Variants in SLCO5A1 observed in about 807,000 individuals in gnomAD.
The protein encoded by SLCO5A1 is organic anion transporter polypeptide-related protein 4.
Under a neutral mutation model 65.1 loss-of-function variants are expected in SLCO5A1, and 39 were observed. That is an observed-to-expected ratio of 0.60 (90% confidence interval 0.46 to 0.78). SLCO5A1 has a LOEUF of 0.78. SLCO5A1 is among the 30% of genes least tolerant of loss of function. SLCO5A1 has a pLI of 0.00. For missense variants in SLCO5A1, 1,029 were observed against 1,069.4 expected (o/e 0.96, Z 0.53); for synonymous variants, 438 against 415.7 (o/e 1.05, Z -0.65).
rs567257958 is a variant in SLCO5A1, at chr8:69,770,213, G to A, written c.908-8338C>T. Among the ~76,000 whole-genome samples the A allele has an allele frequency of 5.9e-5, 9 of 152,254 alleles. No individual in the cohort carries two copies. The East Asian group carries it at 1.7e-3, about 29-fold the overall frequency. ...CATAGTCAATCCCCTATGGACGCCA[G>A]CTTTATGCTGTTACAAATATCTAGC... On this transcript the variant is annotated intron_variant, in intron 2 of 9. Coordinates refer to ENST00000260126, the MANE Select transcript of SLCO5A1 (RefSeq NM_030958.3).
intron 2 of SLCO5A1, chr8:69,794,342 A>T: frequency 2.3e-6 from 1 of 438,938 alleles, no homozygotes; most frequent in African/African-American, 2.0e-5. Context: ...GACTGAGTAG[A>T]CAGTTCATCA....
chr8:69,719,069 T>C (rs910732639), intron 5 of SLCO5A1, among the ~76,000 whole-genome samples: 1 of 152,128 alleles, frequency 6.6e-6, no homozygotes, highest in Non-Finnish European at 1.5e-5. Flanking sequence ...GTAAAGAAAG[T>C]TTACCAGGAG....
rs1563708156 is a variant in SLCO5A1, at chr8:69,762,178, CT to C, written c.908-304del. On this transcript the variant is annotated intron_variant, in intron 2 of 9. Transcript: ENST00000260126. ...TCTTTCTTTCTTTCTTTCTTTCTTTCTTTCTTTCTTTCTTTCTTTCTTTTTT... is the reference window on the plus strand; with the variant it reads ...TCTTTCTTTCTTTCTTTCTTTCTTTCTTCTTTCTTTCTTTCTTTCTTTTTT... Among the ~76,000 whole-genome samples the C allele has an allele frequency of 6.7e-4, 41 of 60,906 alleles. 2 individuals are homozygous for C. Among genetic ancestry groups the C allele is most frequent in the African/African-American group, 2.2e-3 (41 of 18,922 alleles). 40.0% of individuals were successfully genotyped at this position (60,906 alleles called of 152,430 possible). A position where few individuals can be genotyped will look rare whatever the true frequency, so the allele number is the denominator to read the frequency against.
chr8:69,828,276 T>TAAA (rs57458834), intron 2 of SLCO5A1, among the ~76,000 whole-genome samples: 9 of 131,702 alleles, frequency 6.8e-5, no homozygotes, highest in African/African-American at 2.4e-4. Context: ...TTTTTTTTTT[T>TAAA]AAAAAAAAAG....
intron 2 of SLCO5A1, among the ~76,000 whole-genome samples, chr8:69,776,901 G>A (rs1787598541): frequency 6.6e-6 from 1 of 152,152 alleles, no homozygotes; most frequent in South Asian, 2.1e-4. Flanking sequence ...TAAAAAGACA[G>A]ACCATACCAA....
intron 6 of SLCO5A1, among the ~76,000 whole-genome samples, chr8:69,682,986 C>T (rs2933075): frequency 2.0e-5 from 3 of 151,954 alleles, no homozygotes; most frequent in Non-Finnish European, 4.4e-5. Flanking sequence ...AGGATTGCCC[C>T]GGTGTGGATC....
rs1260317749 is a variant in SLCO5A1 at position 69,672,782 on chromosome 8, A to C, written c.*87T>G. Reference sequence around the variant, plus strand: ...GATTGTGTCTGTAGAGGTTAAAAAAAAGAAAGAAAGAAAAGAAGGCACAGT... The same window carrying C: ...GATTGTGTCTGTAGAGGTTAAAAAACAGAAAGAAAGAAAAGAAGGCACAGT... On this transcript the variant is annotated 3_prime_UTR_variant, in exon 10 of 10. Transcript: ENST00000260126. The C allele has an allele frequency of 4.3e-6, 6 of 1,409,188 alleles. No homozygotes were observed. The highest frequency in any genetic ancestry group is 5.7e-6 in the Non-Finnish European group (6 of 1,054,164). The allele number at this position is 1,409,188 out of a possible 1,614,324, so 87.3% of individuals were successfully genotyped here.
intron 2 of SLCO5A1, among the ~76,000 whole-genome samples, chr8:69,804,069 T>C (rs1819877824): frequency 6.6e-6 from 1 of 152,092 alleles, no homozygotes; most frequent in East Asian, 1.9e-4. Flanking sequence ...ATTCTAACTA[T>C]AGGAAAAGCA....
Position 69,728,966 on chromosome 8 carries a change from G to T in SLCO5A1, c.1423+9074C>A, listed in dbSNP as rs183753276. On this transcript the variant is annotated intron_variant, in intron 5 of 9. Transcript: ENST00000260126. ...GTCCAAGTACCATTTTCCTGTCAAA[G>T]AAACCAAGATTCCTTGCAGATATAC... 7.7e-3 allele frequency among the ~76,000 whole-genome samples: 1,166 copies of T among 152,174 alleles called. 15 individuals are homozygous for T. The highest frequency in any genetic ancestry group is 0.027 in the African/African-American group (1,102 of 41,516).
At chr8:69,814,736 G>C (rs1485929197) in intron 2 of SLCO5A1, among the ~76,000 whole-genome samples, 2 of 152,116 alleles carry the variant, frequency 1.3e-5, no homozygotes, top group African/African-American at 2.4e-5. Context: ...CATGTTCACT[G>C]CAGCACTATT....
At chr8:69,734,285 C>T (rs1816461108) in intron 5 of SLCO5A1, among the ~76,000 whole-genome samples, 1 of 152,120 alleles carries the variant, frequency 6.6e-6, no homozygotes, top group African/African-American at 2.4e-5. Flanking sequence ...AAGCTTTATC[C>T]ACCCCTGCTG....
Position 69,832,379 on chromosome 8 carries a change from C to A in SLCO5A1, c.295G>T (p.Val99Leu), listed in dbSNP as rs1033706234. 3.7e-6 allele frequency: 6 copies of A among 1,613,420 alleles called. No homozygotes were observed. The highest frequency in any genetic ancestry group is 5.1e-6 in the Non-Finnish European group (6 of 1,179,664). The change falls in exon 2 of 10, where the codon GTG (valine) becomes TTG (leucine). Residue 99 changes from valine to leucine, a missense_variant. By Grantham distance (32) the Val-to-Leu change is conservative (BLOSUM62 1). This residue lies in a region of SLCO5A1 where 647 missense variants were observed against 647.5 expected (regional missense o/e 1.00). Coordinates refer to ENST00000260126, the MANE Select transcript of SLCO5A1 (RefSeq NM_030958.3). This position sits in a 1 kb window ranked among gnomAD's most constrained non-coding sequence, Gnocchi z 4.5. ...SAGLGDCNHRVDLSKTFSVSS... is the reference protein window; with the variant it reads ...SAGLGDCNHRLDLSKTFSVSS... ...ACCGAGAAGGTTTTGCTGAGGTCCA[C>A]CCTGTGGTTACAGTCCCCGAGCCCC...
intron 5 of SLCO5A1, among the ~76,000 whole-genome samples, chr8:69,720,375 C>G (rs909675258): frequency 1.3e-5 from 2 of 152,230 alleles, no homozygotes; most frequent in African/African-American, 4.8e-5. Flanking sequence ...AGATATTATA[C>G]TAGGAAGTCT....
chr8:69,808,814 A>G (rs939579349), intron 2 of SLCO5A1, among the ~76,000 whole-genome samples: 1 of 152,134 alleles, frequency 6.6e-6, no homozygotes, highest in Non-Finnish European at 1.5e-5. Flanking sequence ...TGATAATCAT[A>G]ACTAAAGGAC....
chr8:69,717,501 T>A (rs1209084035), intron 5 of SLCO5A1, among the ~76,000 whole-genome samples: 1 of 152,250 alleles, frequency 6.6e-6, no homozygotes, highest in East Asian at 1.9e-4. Context: ...TTACTGTTAC[T>A]TTTCAGTAAG....
intron 5 of SLCO5A1, among the ~76,000 whole-genome samples, chr8:69,732,704 C>G (rs913162035): frequency 3.3e-5 from 5 of 151,968 alleles, no homozygotes; most frequent in Non-Finnish European, 7.4e-5. Context: ...GCCTGGCCAA[C>G]ATGGTGAAAT....
intron 2 of SLCO5A1, among the ~76,000 whole-genome samples, chr8:69,790,373 T>G (rs1586803304): frequency 6.6e-6 from 1 of 152,018 alleles, no homozygotes; most frequent in East Asian, 1.9e-4. Flanking sequence ...AATTAAAAAT[T>G]AAAAAATGTA....
chr8:69,718,089 G>T (rs1026570050), intron 5 of SLCO5A1, among the ~76,000 whole-genome samples: 15 of 152,108 alleles, frequency 9.9e-5, no homozygotes, highest in African/African-American at 3.6e-4. Flanking sequence ...GTGGTTTTCA[G>T]AATATAAGTT....
In SLCO5A1 at chr8:69,831,787, T is replaced by G. The variant is rs764372561; in HGVS notation, c.887A>C (p.Glu296Ala). The G allele has an allele frequency of 1.3e-5, 21 of 1,613,992 alleles. No individual in the cohort carries two copies. Among genetic ancestry groups the G allele is most frequent in the Non-Finnish European group, 1.7e-5 (20 of 1,180,038 alleles). The change falls in exon 2 of 10, where the codon GAA becomes GCA. Residue 296 changes from glutamate to alanine, a missense_variant. Transcript: ENST00000260126. ...CTTACCTAGGTACAAGGAGGAGTTT[T>G]CTTTCTTGACATTGTCATCTAAGTA... ...PTYLDDNVKK[E>A]NSSLYLAIMY...
Sources: gnomAD v4.1 joint callset for allele counts (sites outside exome capture counted in the v4.1 genomes callset) on GRCh38, gnomAD v4.1.1 for gene constraint, gnomAD v4.1.1 regional missense constraint, Gnocchi (gnomAD v3.1) non-coding constraint, MANE v1.5 for transcripts, NCBI Gene and HGNC (gene_info 2026-07-23, HGNC 2026-07-21) for gene names.